Variants in PRLR observed in about 807,000 individuals in gnomAD.
PRLR encodes hPRL receptor.
A neutral mutation model predicts 40.2 loss-of-function variants in PRLR; 13 were observed. The ratio of observed to expected loss-of-function variants is 0.32; its 90% CI spans 0.21 to 0.51. The LOEUF is 0.51. PRLR is among the 20% of genes least tolerant of loss of function. PRLR has a pLI of 0.97. For missense variants in PRLR, 656 were observed against 747.3 expected, an observed-to-expected ratio of 0.88 and a Z score of 1.42; for synonymous variants, 269 against 278.7, an observed-to-expected ratio of 0.97 and a Z score of 0.35.
At chr5:35,160,696 A>G (rs915545419) in intron 1 of PRLR, among the ~76,000 whole-genome samples, 9 of 152,200 alleles carry the variant, frequency 5.9e-5, no homozygotes, top group Admixed American at 5.2e-4. Flanking sequence ...CATGTCTGAC[A>G]TGGTTGGCTC....
At position 35,060,856 on chromosome 5, in the gene PRLR, G is replaced by T. The variant is rs1191461567; in HGVS notation, c.*4233C>A. Reference sequence around the variant, plus strand: ...CATTGTTCTCTTCAGGTTTAGGCATGTAAGCCAATGACATTCAAAAATGTA... The same window carrying T: ...CATTGTTCTCTTCAGGTTTAGGCATTTAAGCCAATGACATTCAAAAATGTA... On this transcript the variant is annotated 3_prime_UTR_variant, in exon 10 of 10. Coordinates refer to ENST00000618457, the MANE Select transcript of PRLR (RefSeq NM_000949.7). 1 of 152,206 alleles carries T rather than the reference G, an allele frequency of 6.6e-6. No homozygotes were observed. Among genetic ancestry groups the T allele is most frequent in the East Asian group, 1.9e-4 (1 of 5,194 alleles). The allele number at this position is 152,206 out of a possible 1,614,324, so 9.4% of individuals were successfully genotyped here.
At chr5:35,087,292 T>C (rs190885631) in intron 3 of PRLR, among the ~76,000 whole-genome samples, 1 of 152,082 alleles carries the variant, frequency 6.6e-6, no homozygotes, top group African/African-American at 2.4e-5. Flanking sequence ...ACCTGGCCAC[T>C]TTTCCTTGAT....
intron 1 of PRLR, among the ~76,000 whole-genome samples, chr5:35,155,977 C>T (rs186752784): frequency 2.0e-5 from 3 of 152,262 alleles, no homozygotes; most frequent in African/African-American, 4.8e-5. Context: ...ATCTTCCTTA[C>T]TTTGTAATTT....
intron 2 of PRLR, among the ~76,000 whole-genome samples, chr5:35,109,754 T>C (rs1772522370): frequency 6.6e-6 from 1 of 152,150 alleles, no homozygotes; most frequent in African/African-American, 2.4e-5. Flanking sequence ...TAGGAACACT[T>C]TTACACTATT....
At chr5:35,124,544 T>G (rs1202285199) in intron 1 of PRLR, among the ~76,000 whole-genome samples, 1 of 152,222 alleles carries the variant, frequency 6.6e-6, no homozygotes. Flanking sequence ...GATATCCTTA[T>G]AGTAATCTAC....
intron 2 of PRLR, among the ~76,000 whole-genome samples, chr5:35,098,984 G>A (rs1771698107): frequency 6.6e-6 from 1 of 152,186 alleles, no homozygotes; most frequent in African/African-American, 2.4e-5. Context: ...ACACTGACAA[G>A]TCTAAGAAAA....
intron 1 of PRLR, among the ~76,000 whole-genome samples, chr5:35,154,325 A>G (rs1342362752): frequency 6.6e-6 from 1 of 152,220 alleles, no homozygotes; most frequent in Non-Finnish European, 1.5e-5. Context: ...GGCTCTGAAA[A>G]TGATCTCTCA....
intron 1 of PRLR, among the ~76,000 whole-genome samples, chr5:35,194,617 G>T (rs1775687422): frequency 1.3e-5 from 2 of 152,160 alleles, no homozygotes; most frequent in African/African-American, 4.8e-5. Context: ...CCAAGCCCTG[G>T]AAAAACATGG....
intron 2 of PRLR, among the ~76,000 whole-genome samples, chr5:35,092,649 T>C (rs1771288508): frequency 6.6e-6 from 1 of 152,174 alleles, no homozygotes; most frequent in South Asian, 2.1e-4. Context: ...GGGACTGGAA[T>C]ATCCAATGAG....
intron 5 of PRLR, among the ~76,000 whole-genome samples, chr5:35,079,843 C>G (rs372570740): frequency 1.3e-5 from 2 of 152,068 alleles, no homozygotes; most frequent in Non-Finnish European, 2.9e-5. Flanking sequence ...AACAGAGATA[C>G]AGACCAATGG....
In PRLR at chr5:35,065,816, T is replaced by C. The variant is rs1425752975; in HGVS notation, c.1142A>G (p.Glu381Gly). 2 of 1,614,126 alleles carry C rather than the reference T, an allele frequency of 1.2e-6. No homozygotes were observed. The highest frequency in any genetic ancestry group is 8.5e-7 in the Non-Finnish European group (1 of 1,180,022). The change falls in exon 10 of 10, where the codon GAG becomes GGG. Residue 381 changes from glutamate to glycine, a missense_variant. Coordinates refer to ENST00000618457, the MANE Select transcript of PRLR (RefSeq NM_000949.7). ...GGTTGTTTCAGGATTCTCTGGCTTCTCAATGACCTCAGGATCATAGAATGT... is the reference window on the plus strand; with the variant it reads ...GGTTGTTTCAGGATTCTCTGGCTTCCCAATGACCTCAGGATCATAGAATGT... ...PSTFYDPEVI[E>G]KPENPETTHT...
intron 1 of PRLR, chr5:35,130,447 C>T (rs1773632243): frequency 6.6e-6 from 1 of 152,154 alleles, no homozygotes; most frequent in South Asian, 2.1e-4. Flanking sequence ...CCCTGTGTCG[C>T]CAGCATCTGC....
intron 2 of PRLR, among the ~76,000 whole-genome samples, chr5:35,097,881 G>A (rs751732717): frequency 3.9e-5 from 6 of 152,114 alleles, no homozygotes; most frequent in Non-Finnish European, 7.3e-5. Flanking sequence ...TTCTTATCAC[G>A]CTCAAGTTTT....
intron 1 of PRLR, among the ~76,000 whole-genome samples, chr5:35,121,184 G>A (rs1019133443): frequency 2.0e-5 from 3 of 152,200 alleles, no homozygotes; most frequent in African/African-American, 7.2e-5. Flanking sequence ...TGTTTCATAA[G>A]TCAGTGAGTT....
chr5:35,130,164 G>A (rs541348824), intron 1 of PRLR: 107 of 152,274 alleles, frequency 7.0e-4, no homozygotes, highest in African/African-American at 2.4e-3. Context: ...TATTTGCCCT[G>A]GGATATACAA....
At chr5:35,089,409 A>G in intron 3 of PRLR, 142 bp downstream of exon 3, 1 of 626,826 alleles carries the variant, frequency 1.6e-6, no homozygotes, top group Non-Finnish European at 2.8e-6. Context: ...TTTAATGCAA[A>G]ATATTGCAAA....
intron 1 of PRLR, among the ~76,000 whole-genome samples, chr5:35,177,616 A>G (rs1016007017): frequency 6.6e-6 from 1 of 152,154 alleles, no homozygotes; most frequent in African/African-American, 2.4e-5. Flanking sequence ...TTTGAGGTTC[A>G]TCTATGTTCT....
intron 2 of PRLR, among the ~76,000 whole-genome samples, chr5:35,104,707 A>G (rs1772115313): frequency 1.3e-5 from 2 of 152,258 alleles, no homozygotes; most frequent in Non-Finnish European, 2.9e-5. Flanking sequence ...TTGACTAGGT[A>G]AACAAAGAGG....
At chr5:35,085,740 A>C (rs971940179) in intron 4 of PRLR, among the ~76,000 whole-genome samples, 5 of 152,240 alleles carry the variant, frequency 3.3e-5, no homozygotes, top group African/African-American at 1.2e-4. Flanking sequence ...ATGGCATAAG[A>C]ATTATAGATG....
Sources: gnomAD v4.1 joint callset for allele counts (sites outside exome capture counted in the v4.1 genomes callset) on GRCh38, gnomAD v4.1.1 for gene constraint, MANE v1.5 for transcripts, NCBI Gene and HGNC (gene_info 2026-07-23, HGNC 2026-07-21) for gene names.